Variants in MEIS2 observed in about 807,000 individuals in gnomAD.
MEIS2 encodes the protein Meis homeobox 2.
A neutral mutation model predicts 58.6 loss-of-function variants in MEIS2; 9 were observed. That is an observed-to-expected ratio of 0.15 (90% confidence interval 0.09 to 0.27). The LOEUF (loss-of-function observed/expected upper bound fraction) is 0.27, where lower values mean the gene tolerates loss of function less well. MEIS2 is among the 10% of genes least tolerant of loss of function. The pLI is 1.00. For synonymous variants in MEIS2, 221 were observed against 228.4 expected, an observed-to-expected ratio of 0.97 and a Z score of 0.29; for missense variants, 427 against 635.0, an observed-to-expected ratio of 0.67 and a Z score of 3.52.
chr15:37,051,480 A>C lies in MEIS2; in HGVS notation c.755-14521T>G, dbSNP rs142938041. Among the ~76,000 whole-genome samples the C allele has an allele frequency of 4.6e-5, 7 of 152,316 alleles. No individual in the cohort carries two copies. In the East Asian group the frequency reaches 1.3e-3, roughly 29 times the overall value. On this transcript the variant is annotated intron_variant, in intron 7 of 11. Transcript: ENST00000561208. ...ACATATATAGAGGGAGGGAGTGATT[A>C]AAAGGAGTGTAAGGAAATTTTGGCG...
At chr15:37,086,477 G>A (rs1487760620) in intron 6 of MEIS2, among the ~76,000 whole-genome samples, 1 of 152,192 alleles carries the variant, frequency 6.6e-6, no homozygotes. Context: ...TTTAAGAGCA[G>A]CTGGTTCTTC....
intron 8 of MEIS2, among the ~76,000 whole-genome samples, chr15:36,961,029 T>C (rs923747437): frequency 2.0e-5 from 3 of 152,140 alleles, no homozygotes; most frequent in Non-Finnish European, 4.4e-5. Context: ...CCTTCCCTTT[T>C]TTTTAGAACA....
At chr15:37,032,368 T>C (rs2061964765) in intron 8 of MEIS2, among the ~76,000 whole-genome samples, 1 of 152,222 alleles carries the variant, frequency 6.6e-6, no homozygotes, top group Non-Finnish European at 1.5e-5. Flanking sequence ...TAAGGGCTTC[T>C]TGGCGTGGAG....
At chr15:37,098,293 A>C (rs943000572) in intron 1 of MEIS2, 94 bp from the exon 2 acceptor site, 4 of 1,432,332 alleles carry the variant, frequency 2.8e-6, no homozygotes, top group Non-Finnish European at 3.7e-6. Flanking sequence ...GAAGAGGGCG[A>C]ACAGAAAAGA....
Position 36,936,994 on chromosome 15 carries a change from C to T in MEIS2, c.977+13330G>A, listed in dbSNP as rs80073683. ...TGAAAGACTTCTTGATACAGATGAACTTTGGCAATAACAATATGTCAACAC... is the reference window on the plus strand; with the variant it reads ...TGAAAGACTTCTTGATACAGATGAATTTTGGCAATAACAATATGTCAACAC... On this transcript the variant is annotated intron_variant, in intron 9 of 11. Transcript: ENST00000561208. Among the ~76,000 whole-genome samples, 1,138 of 152,248 alleles carry T rather than the reference C, an allele frequency of 7.5e-3. 14 individuals are homozygous for T. The highest frequency in any genetic ancestry group is 0.026 in the African/African-American group (1,089 of 41,534).
At chr15:37,022,765 T>C (rs1014904958) in intron 8 of MEIS2, among the ~76,000 whole-genome samples, 3 of 152,170 alleles carry the variant, frequency 2.0e-5, no homozygotes, top group Non-Finnish European at 2.9e-5. Flanking sequence ...CAAGCAATTC[T>C]CCTGCCTCAG....
chr15:37,018,332 T>A (rs112565397), intron 8 of MEIS2, among the ~76,000 whole-genome samples: 36 of 152,352 alleles, frequency 2.4e-4, no homozygotes, highest in African/African-American at 8.7e-4. Flanking sequence ...TTCACTTCTT[T>A]ACAGCATAGG....
At chr15:37,083,486 T>A (rs1213839234) in intron 7 of MEIS2, among the ~76,000 whole-genome samples, 1 of 152,236 alleles carries the variant, frequency 6.6e-6, no homozygotes, top group African/African-American at 2.4e-5. Flanking sequence ...ATTCCACTTA[T>A]ACACACAGAA....
intron 2 of MEIS2, among the ~76,000 whole-genome samples, chr15:37,097,712 G>A (rs1894457260): frequency 6.6e-6 from 1 of 152,160 alleles, no homozygotes; most frequent in African/African-American, 2.4e-5. Context: ...CAAGATTCTG[G>A]GGACTCAGTC....
chr15:36,978,370 T>C (rs74008819), intron 8 of MEIS2, among the ~76,000 whole-genome samples: 12,208 of 152,264 alleles, frequency 0.08, 556 homozygotes, highest in African/African-American at 0.11. Flanking sequence ...CTGTCAGTAG[T>C]AGCAGAATCC....
chr15:37,012,893 T>C (rs143957825), intron 8 of MEIS2, among the ~76,000 whole-genome samples: 47 of 152,324 alleles, frequency 3.1e-4, no homozygotes, highest in African/African-American at 1.1e-3. Flanking sequence ...TATTACAGTA[T>C]ATAAATTTGT....
rs540373660 is a variant in MEIS2, at chr15:37,009,840, A to G, written c.900+26974T>C. Among the ~76,000 whole-genome samples the G allele has an allele frequency of 7.9e-5, 12 of 152,096 alleles. No homozygotes were observed. In the South Asian group the frequency reaches 2.5e-3, roughly 32 times the overall value. On this transcript the variant is annotated intron_variant, in intron 8 of 11. Coordinates refer to ENST00000561208, the MANE Select transcript of MEIS2 (RefSeq NM_170675.5). ...ATAAATGAATGTTGACAATTCTAAC[A>G]TGTGTCTACATAGATACACAGAGTA...
At chr15:36,906,085 C>G (rs755855303) in intron 9 of MEIS2, among the ~76,000 whole-genome samples, 1 of 152,074 alleles carries the variant, frequency 6.6e-6, no homozygotes, top group Non-Finnish European at 1.5e-5. Context: ...CAGTCCAGAC[C>G]GGGGCCGATG....
chr15:37,051,336 T>G (rs1005254474), intron 7 of MEIS2, among the ~76,000 whole-genome samples: 1 of 152,192 alleles, frequency 6.6e-6, no homozygotes, highest in African/African-American at 2.4e-5. Context: ...TTTGAAATCA[T>G]GCTAAATGGA....
At chr15:36,985,153 A>G (rs1165748907) in intron 8 of MEIS2, among the ~76,000 whole-genome samples, 1 of 152,002 alleles carries the variant, frequency 6.6e-6, no homozygotes, top group Admixed American at 6.6e-5. Flanking sequence ...AAGAATACCT[A>G]TCTGTTGGTC....
intron 9 of MEIS2, among the ~76,000 whole-genome samples, chr15:36,949,871 T>C (rs1320681312): frequency 6.6e-6 from 1 of 152,004 alleles, no homozygotes. Flanking sequence ...AATAAATTTC[T>C]ATTAGGAGAT....
chr15:36,900,718 T>C (rs920938665), intron 9 of MEIS2, among the ~76,000 whole-genome samples: 2 of 152,196 alleles, frequency 1.3e-5, no homozygotes, highest in Admixed American at 6.5e-5. Context: ...CTAAACTTGG[T>C]AGCTTTGCAT....
At chr15:36,934,489 G>A (rs1198649151) in intron 9 of MEIS2, among the ~76,000 whole-genome samples, 1 of 152,190 alleles carries the variant, frequency 6.6e-6, no homozygotes, top group African/African-American at 2.4e-5. Flanking sequence ...CTAGCCTCTA[G>A]AATTTGCCTT....
intron 6 of MEIS2, among the ~76,000 whole-genome samples, chr15:37,086,152 T>A (rs919612479): frequency 1.3e-5 from 2 of 152,186 alleles, no homozygotes; most frequent in African/African-American, 2.4e-5. Flanking sequence ...TTACCCCTCA[T>A]GAAAATTATA....
Sources: allele counts gnomAD v4.1 joint callset (sites outside exome capture counted in the v4.1 genomes callset), GRCh38; gene constraint gnomAD v4.1.1; transcripts MANE v1.5; gene names NCBI Gene and HGNC (gene_info 2026-07-23, HGNC 2026-07-21).